MTUS2: variants seen among roughly 807,000 people sequenced by gnomAD.
The protein encoded by MTUS2 is microtubule-associated tumor suppressor candidate 2.
A neutral mutation model predicts 114.1 loss-of-function variants in MTUS2; 40 were observed. The observed-to-expected ratio is 0.35, with a 90% CI of 0.27 to 0.46. The LOEUF is 0.46. MTUS2 is among the 20% of genes least tolerant of loss of function. The pLI, the probability that MTUS2 is intolerant of heterozygous loss-of-function variation, is 1.00. For missense variants in MTUS2, 1,679 were observed against 1,705.4 expected (o/e 0.98, Z 0.27); for synonymous variants, 688 against 672.0 (o/e 1.02, Z -0.37).
chr13:28,837,098 C>T lies in MTUS2; in HGVS notation c.-315-2680C>T, dbSNP rs143254140. Reference sequence around the variant, plus strand: ...TCAGACTCCTGCTGAATCGAGAGACCGCTTCTCTGGTAGTGTCCATCTGTT... The same window carrying T: ...TCAGACTCCTGCTGAATCGAGAGACTGCTTCTCTGGTAGTGTCCATCTGTT... On this transcript the variant is annotated intron_variant, in intron 1 of 15. Coordinates refer to ENST00000612955, the MANE Select transcript of MTUS2 (RefSeq NM_001033602.4). 3.9e-3 allele frequency among the ~76,000 whole-genome samples: 590 copies of T among 152,182 alleles called. 4 individuals are homozygous for T. The highest frequency in any genetic ancestry group is 6.3e-3 in the Non-Finnish European group (427 of 68,002).
intron 6 of MTUS2, among the ~76,000 whole-genome samples, chr13:29,288,027 T>C (rs984579667): frequency 6.6e-6 from 1 of 152,216 alleles, no homozygotes; most frequent in Admixed American, 6.5e-5. Flanking sequence ...AATACTGCCC[T>C]TAGTGACTAG....
At chr13:28,844,584 T>TGTGTAA (rs1437557591) in intron 2 of MTUS2, among the ~76,000 whole-genome samples, 55 of 117,716 alleles carry the variant, frequency 4.7e-4, no homozygotes, top group African/African-American at 1.7e-3. Flanking sequence ...GCAGCATTTG[T>TGTGTAA]GTGTGAGTGT....
chr13:28,936,441 G>A (rs1329413557), intron 2 of MTUS2, among the ~76,000 whole-genome samples: 2 of 152,232 alleles, frequency 1.3e-5, no homozygotes, highest in East Asian at 1.9e-4. Context: ...CTCTAGGGGT[G>A]CCTGTGGCTC....
At chr13:28,840,916 A>G (rs933066616) in intron 2 of MTUS2, among the ~76,000 whole-genome samples, 2 of 152,230 alleles carry the variant, frequency 1.3e-5, no homozygotes, top group African/African-American at 4.8e-5. Flanking sequence ...TGGGAAAGAA[A>G]CACCTAAACT....
At chr13:28,874,089 G>C (rs1877785999) in intron 2 of MTUS2, among the ~76,000 whole-genome samples, 1 of 152,132 alleles carries the variant, frequency 6.6e-6, no homozygotes, top group South Asian at 2.1e-4. Flanking sequence ...TGCAATCTCA[G>C]CTCACTGCAA....
chr13:29,033,306 C>G (rs979084030), intron 3 of MTUS2, among the ~76,000 whole-genome samples: 2 of 152,152 alleles, frequency 1.3e-5, no homozygotes, highest in Non-Finnish European at 2.9e-5. Context: ...AGGTTTTTAA[C>G]TAGGTAAACA....
At chr13:28,982,301 AG>A (rs1305519028) in intron 2 of MTUS2, among the ~76,000 whole-genome samples, 1 of 152,130 alleles carries the variant, frequency 6.6e-6, no homozygotes, top group Non-Finnish European at 1.5e-5. Context: ...TGCAAATCAA[AG>A]CACAGTGAGC....
Position 29,100,885 on chromosome 13 carries a change from CT to C in MTUS2, c.2562del (p.Phe854LeufsTer40). 1 of 1,565,072 alleles carries C rather than the reference CT, an allele frequency of 6.4e-7. No homozygotes were observed. The highest frequency in any genetic ancestry group is 2.4e-5 in the East Asian group (1 of 42,038). On this transcript the variant is annotated frameshift_variant, in exon 5 of 16. Transcript: ENST00000612955. LOFTEE classifies it high-confidence loss of function. ...CGGCAGCCAAACTGGCGGCATTTGG[CT>C]TTGTCCGGAGCTCCAGCGTCTCCTC... Reference protein sequence around the residue: ...LPAAKLAAFGFVRSSSVSSVS... With the variant: ...LPAAKLAAFGXVRSSSVSSVS...
At chr13:28,915,746 G>A (rs1157786916) in intron 2 of MTUS2, among the ~76,000 whole-genome samples, 2 of 151,626 alleles carry the variant, frequency 1.3e-5, no homozygotes, top group Non-Finnish European at 3.0e-5. Flanking sequence ...CGATTTTGTG[G>A]GTTCTCTCTT....
intron 5 of MTUS2, among the ~76,000 whole-genome samples, chr13:29,150,702 G>A (rs1261132784): frequency 6.6e-6 from 1 of 152,072 alleles, no homozygotes; most frequent in Non-Finnish European, 1.5e-5. Context: ...TCCATCTTAA[G>A]TTAATGTTTT....
At chr13:28,898,717 T>C (rs1242214537) in intron 2 of MTUS2, among the ~76,000 whole-genome samples, 1 of 152,178 alleles carries the variant, frequency 6.6e-6, no homozygotes, top group Non-Finnish European at 1.5e-5. Context: ...TTACTGCAAA[T>C]AAAAAAGCAA....
intron 5 of MTUS2, among the ~76,000 whole-genome samples, chr13:29,122,343 T>G (rs1194882011): frequency 2.0e-5 from 3 of 152,138 alleles, no homozygotes; most frequent in South Asian, 2.1e-4. Context: ...TGACTCACAG[T>G]TCCACGTGGC....
chr13:28,899,407 T>A (rs1879494951), intron 2 of MTUS2, among the ~76,000 whole-genome samples: 1 of 152,176 alleles, frequency 6.6e-6, no homozygotes, highest in Admixed American at 6.5e-5. Context: ...GAAATCGAGC[T>A]GTTTCTTTTT....
At chr13:29,324,941 T>C (rs1593303850) in intron 7 of MTUS2, among the ~76,000 whole-genome samples, 1 of 152,218 alleles carries the variant, frequency 6.6e-6, no homozygotes, top group South Asian at 2.1e-4. Flanking sequence ...GAGAATCTTC[T>C]CTGTGTAGGG....
At chr13:28,894,290 GAGAGA>G (rs1334437573) in intron 2 of MTUS2, among the ~76,000 whole-genome samples, 259 of 6,812 alleles carry the variant, frequency 0.038, 10 homozygotes, top group Non-Finnish European at 0.07. Flanking sequence ...GGGGGGGGGG[GAGAGA>G]GAGAGAGAGG....
chr13:29,475,480 G>C (rs1399073897), intron 9 of MTUS2, among the ~76,000 whole-genome samples: 2 of 152,170 alleles, frequency 1.3e-5, no homozygotes, highest in Admixed American at 6.5e-5. Context: ...TACTGCCGAA[G>C]AAGGCATTGT....
chr13:29,238,057 A>G (rs1172885131), intron 5 of MTUS2, among the ~76,000 whole-genome samples: 1 of 152,250 alleles, frequency 6.6e-6, no homozygotes, highest in Non-Finnish European at 1.5e-5. Context: ...CAACCTCATG[A>G]CAGGGTATAT....
chr13:29,320,632 G>A (rs1212486998), intron 6 of MTUS2, among the ~76,000 whole-genome samples: 1 of 152,168 alleles, frequency 6.6e-6, no homozygotes, highest in African/African-American at 2.4e-5. Flanking sequence ...CCATGGAGTT[G>A]GGACTTCCTA....
intron 4 of MTUS2, among the ~76,000 whole-genome samples, chr13:29,066,429 G>A (rs1217838093): frequency 6.6e-6 from 1 of 152,178 alleles, no homozygotes; most frequent in African/African-American, 2.4e-5. Context: ...TAATTATCAA[G>A]AAGTGATTAG....
Sources: allele counts gnomAD v4.1 joint callset (sites outside exome capture counted in the v4.1 genomes callset), GRCh38; gene constraint gnomAD v4.1.1; transcripts MANE v1.5; gene names NCBI Gene and HGNC (gene_info 2026-07-23, HGNC 2026-07-21).